The following AP3B1 variants were observed in gnomAD, a reference collection of about 807,000 sequenced individuals.
AP3B1 encodes AP-3 complex subunit beta-1.
A neutral mutation model predicts 132.5 loss-of-function variants in AP3B1; 61 were observed. That is an observed-to-expected ratio of 0.46 (90% CI 0.37 to 0.57). The LOEUF (loss-of-function observed/expected upper bound fraction) is 0.57, where lower values mean the gene tolerates loss of function less well. AP3B1 is among the 20% of genes least tolerant of loss of function. The probability of loss-of-function intolerance (pLI) is 0.00; values close to 1 mark genes in which losing one functional copy is unlikely to be tolerated. For missense variants in AP3B1, 1,120 were observed against 1,289.4 expected (o/e 0.87, Z 2.01); for synonymous variants, 388 against 438.3 (o/e 0.89, Z 1.43).
intron 22 of AP3B1, among the ~76,000 whole-genome samples, chr5:78,061,963 C>T (rs1580298502): frequency 1.3e-5 from 2 of 152,362 alleles, no homozygotes; most frequent in African/African-American, 4.8e-5. Flanking sequence ...CTGCTAGCTA[C>T]TGCACCTGTA....
chr5:78,181,896 A>C (rs1744387677), intron 7 of AP3B1, among the ~76,000 whole-genome samples: 1 of 152,168 alleles, frequency 6.6e-6, no homozygotes, highest in African/African-American at 2.4e-5. Flanking sequence ...TTGTATTACA[A>C]AGTAAATTTT....
chr5:78,210,267 T>G (rs1183910129), intron 7 of AP3B1, among the ~76,000 whole-genome samples: 2 of 152,170 alleles, frequency 1.3e-5, no homozygotes, highest in African/African-American at 4.8e-5. Flanking sequence ...CTCTAACATT[T>G]TGGTCCGTTA....
At chr5:78,257,181 C>G (rs952769694) in intron 2 of AP3B1, among the ~76,000 whole-genome samples, 8 of 152,058 alleles carry the variant, frequency 5.3e-5, no homozygotes, top group African/African-American at 1.9e-4. Context: ...AGCAATCAGA[C>G]AAGAGAAAGA....
intron 24 of AP3B1, among the ~76,000 whole-genome samples, chr5:78,029,042 C>G (rs909234886): frequency 5.3e-5 from 8 of 151,660 alleles, no homozygotes; most frequent in Non-Finnish European, 4.4e-5. Flanking sequence ...TGAGTATTTT[C>G]TGTACACAGG....
At chr5:78,108,609 C>T (rs1751443174) in intron 20 of AP3B1, among the ~76,000 whole-genome samples, 1 of 152,148 alleles carries the variant, frequency 6.6e-6, no homozygotes, top group African/African-American at 2.4e-5. Flanking sequence ...TCTCAAAGGC[C>T]TTGGTTCACT....
At chr5:78,121,792 C>T (rs1055683970) in intron 17 of AP3B1, 56 of 152,332 alleles carry the variant, frequency 3.7e-4, no homozygotes, top group African/African-American at 1.3e-3. Context: ...ACCATTCCTT[C>T]TGAAACTATT....
intron 17 of AP3B1, chr5:78,121,610 T>C (rs1752200294): frequency 6.6e-6 from 1 of 152,122 alleles, no homozygotes; most frequent in Admixed American, 6.5e-5. Context: ...ATGGATAAAT[T>C]CCTTGATACA....
intron 21 of AP3B1, among the ~76,000 whole-genome samples, chr5:78,097,784 A>G (rs1461892955): frequency 6.6e-6 from 1 of 152,172 alleles, no homozygotes; most frequent in African/African-American, 2.4e-5. Context: ...GGTGTGCCCA[A>G]CAGCTCATTG....
At chr5:78,259,677 C>CATAT (rs979487886) in intron 2 of AP3B1, among the ~76,000 whole-genome samples, 2 of 151,992 alleles carry the variant, frequency 1.3e-5, no homozygotes, top group Non-Finnish European at 2.9e-5. Context: ...ATTAAAAATA[C>CATAT]ATATATATGG....
chr5:78,166,517 T>C (rs1460171437), intron 11 of AP3B1, among the ~76,000 whole-genome samples: 1 of 152,166 alleles, frequency 6.6e-6, no homozygotes, highest in Non-Finnish European at 1.5e-5. Context: ...TTCTCTCTTC[T>C]GGATTTATAG....
At chr5:78,289,882 T>A (rs1749438477) in intron 1 of AP3B1, among the ~76,000 whole-genome samples, 1 of 152,212 alleles carries the variant, frequency 6.6e-6, no homozygotes, top group Non-Finnish European at 1.5e-5. Flanking sequence ...TGTCTAAATA[T>A]CCATCTCATT....
rs957156067 is a variant in AP3B1 at position 78,095,076 on chromosome 5, C to G, written c.2471-5577G>C. On this transcript the variant is annotated intron_variant, in intron 21 of 26. Transcript: ENST00000255194. ...ACTGAACAGTATTTTGTGCATTTCT[C>G]CTCATTTCATCTATAATGCGGCAAT... Among the ~76,000 whole-genome samples the G allele has an allele frequency of 3.4e-4, 52 of 152,166 alleles. 1 individual carries two copies. The highest frequency in any genetic ancestry group is 6.5e-4 in the Non-Finnish European group (44 of 68,022).
At chr5:78,262,734 C>G (rs1301821100) in intron 2 of AP3B1, among the ~76,000 whole-genome samples, 1 of 151,308 alleles carries the variant, frequency 6.6e-6, no homozygotes, top group African/African-American at 2.4e-5. Context: ...GCTCTGTTGC[C>G]CAGGCTGGAG....
intron 1 of AP3B1, among the ~76,000 whole-genome samples, chr5:78,280,647 A>T (rs542861452): frequency 1.3e-5 from 2 of 152,260 alleles, no homozygotes; most frequent in East Asian, 3.9e-4. Flanking sequence ...AAGATATGCC[A>T]ACTCAAAGCT....
At chr5:78,222,020 T>C (rs1482407846) in intron 6 of AP3B1, among the ~76,000 whole-genome samples, 1 of 152,098 alleles carries the variant, frequency 6.6e-6, no homozygotes, top group Non-Finnish European at 1.5e-5. Context: ...TGAACACAAC[T>C]GTAGTGATGG....
chr5:78,155,742 AT>A lies in AP3B1; in HGVS notation c.1473+515del, dbSNP rs146368188. ...GGAGACTGGGCAGTCTCAGTTATGG[AT>A]TTTTTTTTAAGGGGTGATGAAAATG... On this transcript the variant is annotated intron_variant, in intron 14 of 26. Transcript: ENST00000255194. Among the ~76,000 whole-genome samples, 162 of 151,198 alleles carry A rather than the reference AT, an allele frequency of 1.1e-3. 1 individual carries two copies. The highest frequency in any genetic ancestry group is 3.8e-3 in the African/African-American group (157 of 41,326).
chr5:78,144,821 T>C (rs4364372), intron 14 of AP3B1, among the ~76,000 whole-genome samples: 6,516 of 151,704 alleles, frequency 0.043, 205 homozygotes, highest in East Asian at 0.14. Flanking sequence ...ACAGGTAGTA[T>C]GGGTTGTTTT....
chr5:78,051,767 C>T (rs1748594406), intron 22 of AP3B1, among the ~76,000 whole-genome samples: 1 of 152,078 alleles, frequency 6.6e-6, no homozygotes, highest in Non-Finnish European at 1.5e-5. Flanking sequence ...GCTTACTTTA[C>T]ATCAGTATCT....
chr5:78,018,041 T>G (rs1746928430), intron 25 of AP3B1, among the ~76,000 whole-genome samples: 1 of 151,976 alleles, frequency 6.6e-6, no homozygotes, highest in African/African-American at 2.4e-5. Flanking sequence ...CATTTGCAAT[T>G]TAATTCACAA....
Sources: gnomAD v4.1 joint callset for allele counts (sites outside exome capture counted in the v4.1 genomes callset) on GRCh38, gnomAD v4.1.1 for gene constraint, MANE v1.5 for transcripts, NCBI Gene and HGNC (gene_info 2026-07-23, HGNC 2026-07-21) for gene names.